The following RAB19 variants were observed in gnomAD, a reference collection of about 807,000 sequenced individuals.
The protein encoded by RAB19 is RAB19, member RAS oncogene family, also known as ras-related protein Rab-19.
Under a neutral mutation model 17.3 loss-of-function variants are expected in RAB19, and 21 were observed. That is an observed-to-expected ratio of 1.21 (90% CI 0.86 to 1.74). The LOEUF is 1.74. Among genes scored for constraint, RAB19 ranks in the 40% most tolerant of loss-of-function variants. The pLI is 0.00. For missense variants in RAB19, 277 were observed against 286.8 expected (o/e 0.97, Z 0.25); for synonymous variants, 126 against 110.4 (o/e 1.14, Z -0.88).
At position 140,425,907 on chromosome 7, in the gene RAB19, G is replaced by A; in HGVS notation, c.411G>A (p.Lys137=). The A allele has an allele frequency of 6.2e-7, 1 of 1,611,730 alleles. No homozygotes were observed. Among genetic ancestry groups the A allele is most frequent in the Non-Finnish European group, 8.5e-7 (1 of 1,178,560 alleles). ...LIGNKCDLWE[K]RHVLFEDACT... is the part of the protein sequence containing the mutation. ...GAAATAAATGTGACCTCTGGGAAAA[G>A]CGGCACGTCCTGTTCGAGGATGCCT... The change falls in exon 4 of 4, where the codon AAG becomes AAA. Residue 137 remains lysine (K), a synonymous_variant. Coordinates refer to ENST00000537763, the MANE Select transcript of RAB19 (RefSeq NM_001008749.3).
intron 2 of RAB19, chr7:140,410,877 G>T (rs2971690): frequency 7.6e-7 from 1 of 1,310,010 alleles, no homozygotes; most frequent in Admixed American, 1.9e-5. Flanking sequence ...GTGAGAGGCT[G>T]TGTGAATTGG....
chr7:140,412,223 G>T (rs976683794), intron 3 of RAB19, among the ~76,000 whole-genome samples, 166 bp downstream of exon 3: 1 of 152,068 alleles, frequency 6.6e-6, no homozygotes, highest in African/African-American at 2.4e-5. Context: ...AGGCTGGGGC[G>T]GGCGGATCAC....
chr7:140,412,945 C>G (rs1245932265), intron 3 of RAB19, among the ~76,000 whole-genome samples: 1 of 151,524 alleles, frequency 6.6e-6, no homozygotes, highest in Non-Finnish European at 1.5e-5. Flanking sequence ...AGCAACATGG[C>G]AAAACCTCAT....
At chr7:140,410,343 G>A (rs989358611) in intron 2 of RAB19, among the ~76,000 whole-genome samples, 3 of 97,998 alleles carry the variant, frequency 3.1e-5, no homozygotes, top group Admixed American at 2.8e-4. Flanking sequence ...TTTTTGAGAC[G>A]GAGTCTCGCC....
At chr7:140,425,106 T>C (rs764555740) in intron 3 of RAB19, among the ~76,000 whole-genome samples, 7 of 151,124 alleles carry the variant, frequency 4.6e-5, no homozygotes, top group African/African-American at 7.3e-5. Flanking sequence ...GTCAACATGG[T>C]GAAACCCTGT....
chr7:140,419,609 G>A (rs765016700), intron 3 of RAB19, among the ~76,000 whole-genome samples: 5 of 152,128 alleles, frequency 3.3e-5, no homozygotes, highest in African/African-American at 4.8e-5. Flanking sequence ...TTGCTGCTCC[G>A]AACATTCTGG....
At chr7:140,417,001 G>A (rs1310548083) in intron 3 of RAB19, among the ~76,000 whole-genome samples, 2 of 151,550 alleles carry the variant, frequency 1.3e-5, no homozygotes, top group African/African-American at 4.8e-5. Context: ...CGAGGCAGGT[G>A]GATCACTTGA....
chr7:140,412,191 C>T (rs1185583340), intron 3 of RAB19, 134 bp downstream of exon 3: 1 of 930,102 alleles, frequency 1.1e-6, no homozygotes. Flanking sequence ...GTGGCTCACA[C>T]CTGTAATCCC....
In RAB19 at chr7:140,427,792, G is replaced by A. The variant is rs1003349525; in HGVS notation, c.*1642G>A. ...TATTGTAGAAATGAAGTCTTGCTAC[G>A]TTGCCCAGGCTGGTCTCCAATTCCT... On this transcript the variant is annotated 3_prime_UTR_variant, in exon 4 of 4. Transcript: ENST00000537763. 2.0e-5 allele frequency among the ~76,000 whole-genome samples: 3 copies of A among 150,816 alleles called. No homozygotes were observed. The Admixed American group carries it at 2.0e-4, about 10-fold the overall frequency.
chr7:140,408,975 G>T (rs1219480414), intron 2 of RAB19, among the ~76,000 whole-genome samples: 1 of 151,980 alleles, frequency 6.6e-6, no homozygotes, highest in Non-Finnish European at 1.5e-5. Context: ...GCTCAGGCCA[G>T]TCTCAAACTC....
intron 2 of RAB19, chr7:140,410,821 A>G (rs1799345728): frequency 1.4e-6 from 1 of 693,518 alleles, no homozygotes; most frequent in Non-Finnish European, 2.1e-6. Flanking sequence ...AATAAATTTT[A>G]TATAAATAGT....
At chr7:140,413,710 T>A (rs563562578) in intron 3 of RAB19, among the ~76,000 whole-genome samples, 12 of 151,864 alleles carry the variant, frequency 7.9e-5, no homozygotes, top group African/African-American at 2.4e-4. Context: ...TCTTAAAAAA[T>A]AAATAAATAA....
rs1314585336 is a variant in RAB19 at position 140,427,649 on chromosome 7, A to C, written c.*1499A>C. ...GTGTTTTTAGTAGAGGCAGGGTTTCACCACGTTGGCCAGGCTGGTCTCGAA... is the reference window on the plus strand; with the variant it reads ...GTGTTTTTAGTAGAGGCAGGGTTTCCCCACGTTGGCCAGGCTGGTCTCGAA... On this transcript the variant is annotated 3_prime_UTR_variant, in exon 4 of 4. Coordinates refer to ENST00000537763, the MANE Select transcript of RAB19 (RefSeq NM_001008749.3). Among the ~76,000 whole-genome samples the C allele has an allele frequency of 1.3e-5, 2 of 150,452 alleles. No individual in the cohort carries two copies. The highest frequency in any genetic ancestry group is 1.3e-4 in the Admixed American group (2 of 14,998).
rs1563068363 is a variant in RAB19, at chr7:140,407,633, AG to A, written c.-12del. ...CATCCTTTCTTCCTAGTTCTGTTCT[AG>A]GTGGCAAGAACCATGCACTTCTCCA... On this transcript the variant is annotated 5_prime_UTR_variant, in exon 2 of 4. Coordinates refer to ENST00000537763, the MANE Select transcript of RAB19 (RefSeq NM_001008749.3). 1 of 1,613,172 alleles carries A rather than the reference AG, an allele frequency of 6.2e-7. No homozygotes were observed. Among genetic ancestry groups the A allele is most frequent in the East Asian group, 2.2e-5 (1 of 44,868 alleles).
intron 3 of RAB19, among the ~76,000 whole-genome samples, chr7:140,416,059 ACAGC>A (rs1402552154): frequency 6.6e-6 from 1 of 151,084 alleles, no homozygotes; most frequent in Non-Finnish European, 1.5e-5. Flanking sequence ...TTTAAAACAA[ACAGC>A]CGGGTGCAGT....
intron 3 of RAB19, among the ~76,000 whole-genome samples, chr7:140,422,300 A>C (rs1392262341): frequency 1.3e-5 from 2 of 152,064 alleles, no homozygotes; most frequent in African/African-American, 4.8e-5. Context: ...GAGGCAGGAG[A>C]ATCACTTGAA....
Position 140,424,609 on chromosome 7 carries a change from CTCTCTCTCTCTA to C in RAB19, c.386-1271_386-1260del, listed in dbSNP as rs1358846894. Among the ~76,000 whole-genome samples, 549 of 83,632 alleles carry C rather than the reference CTCTCTCTCTCTA, an allele frequency of 6.6e-3. 6 individuals are homozygous for C. The East Asian group carries it at 0.08, about 12-fold the overall frequency. 54.9% of individuals were successfully genotyped at this position (83,632 alleles called of 152,430 possible). A position where few individuals can be genotyped will look rare whatever the true frequency, so the allele number is the denominator to read the frequency against. ...TCCCTCTCTCTCTCTCTCTCTCTCT[CTCTCTCTCTCTA>C]TATATATATATATATATATGTGTGT... On this transcript the variant is annotated intron_variant, in intron 3 of 3. Coordinates refer to ENST00000537763, the MANE Select transcript of RAB19 (RefSeq NM_001008749.3).
intron 3 of RAB19, among the ~76,000 whole-genome samples, chr7:140,418,781 C>T (rs1014514058): frequency 6.6e-6 from 1 of 151,368 alleles, no homozygotes; most frequent in Non-Finnish European, 1.5e-5. Flanking sequence ...ATTGCTTTAG[C>T]CCAGGAGGTA....
intron 2 of RAB19, among the ~76,000 whole-genome samples, chr7:140,411,315 G>A (rs1174170667): frequency 6.6e-6 from 1 of 152,164 alleles, no homozygotes; most frequent in Non-Finnish European, 1.5e-5. Context: ...CAGGAGAATG[G>A]TGTGAACCTG....
Sources: allele counts gnomAD v4.1 joint callset (sites outside exome capture counted in the v4.1 genomes callset), GRCh38; gene constraint gnomAD v4.1.1; transcripts MANE v1.5; gene names NCBI Gene and HGNC (gene_info 2026-07-23, HGNC 2026-07-21).